MAD1L1: variants seen among roughly 807,000 people sequenced by gnomAD.
MAD1L1 encodes mitotic spindle assembly checkpoint protein MAD1.
In MAD1L1, 95 loss-of-function variants were observed where a neutral mutation model predicts 96.9. The observed-to-expected ratio is 0.98, with a 90% CI of 0.83 to 1.16. The LOEUF is 1.16. MAD1L1 is among the 50% of genes most tolerant of loss of function. The pLI is 0.00. For synonymous variants in MAD1L1, 473 were observed against 396.6 expected (o/e 1.19, Z -2.29); for missense variants, 1,007 against 954.4 (o/e 1.06, Z -0.73).
At chr7:2,065,106 C>T (rs1562652788) in intron 12 of MAD1L1, among the ~76,000 whole-genome samples, 1 of 152,254 alleles carries the variant, frequency 6.6e-6, no homozygotes, top group Non-Finnish European at 1.5e-5. Context: ...GGACTCTCTT[C>T]TGGATGTGAG....
At chr7:1,884,858 C>T (rs558625875) in intron 18 of MAD1L1, among the ~76,000 whole-genome samples, 445 of 152,304 alleles carry the variant, frequency 2.9e-3, no homozygotes, top group African/African-American at 1.0e-2. Context: ...CGGGGCAGGC[C>T]GTGGGGCAAG....
intron 18 of MAD1L1, chr7:1,847,540 A>G (rs1417993305): frequency 4.2e-6 from 2 of 471,008 alleles, no homozygotes; most frequent in African/African-American, 4.0e-5. Flanking sequence ...AGACCAGACC[A>G]GTCCTGGCAC....
chr7:2,073,863 C>T (rs1021127818), intron 11 of MAD1L1, among the ~76,000 whole-genome samples: 3 of 152,294 alleles, frequency 2.0e-5, no homozygotes, highest in South Asian at 2.1e-4. Context: ...GGCTGAGGGA[C>T]GGCGTGGGCA....
At chr7:2,228,254 G>A (rs998317221) in intron 3 of MAD1L1, among the ~76,000 whole-genome samples, 7 of 151,950 alleles carry the variant, frequency 4.6e-5, no homozygotes, top group Non-Finnish European at 8.8e-5. Context: ...CCAGACATTC[G>A]CAACACTAAA....
intron 10 of MAD1L1, among the ~76,000 whole-genome samples, chr7:2,192,852 T>G (rs1205659279): frequency 6.6e-6 from 1 of 152,204 alleles, no homozygotes; most frequent in Non-Finnish European, 1.5e-5. Flanking sequence ...ATAATCAGAC[T>G]TCAAAAAACT....
intron 15 of MAD1L1, among the ~76,000 whole-genome samples, chr7:1,967,784 A>T (rs890245390): frequency 2.0e-5 from 3 of 152,236 alleles, no homozygotes; most frequent in African/African-American, 7.2e-5. Context: ...TCACGCAGCG[A>T]AACAAGTCCC....
chr7:2,119,854 C>A lies in MAD1L1; in HGVS notation c.1073+29298G>T, dbSNP rs941593816. The stretch of plus-strand genomic sequence containing the variant: ...TTTCCTGCTGGCTCCTCGCTGGGGT[C>A]CAGGACTCTGATCTGGGATCTCCCC... On this transcript the variant is annotated intron_variant, in intron 11 of 18. Transcript: ENST00000265854. This position sits in a 1 kb window ranked among gnomAD's most constrained non-coding sequence, Gnocchi z 4.6. 1.3e-5 allele frequency among the ~76,000 whole-genome samples: 2 copies of A among 152,178 alleles called. No individual in the cohort carries two copies. The highest frequency in any genetic ancestry group is 2.1e-4 in the South Asian group (1 of 4,830).
At chr7:1,995,285 G>A (rs962217714) in intron 14 of MAD1L1, among the ~76,000 whole-genome samples, 1 of 152,104 alleles carries the variant, frequency 6.6e-6, no homozygotes, top group Non-Finnish European at 1.5e-5. Context: ...TGAACGGGCA[G>A]CGAGCCTGGA....
At chr7:2,208,546 G>T (rs1013220219) in intron 10 of MAD1L1, among the ~76,000 whole-genome samples, 1 of 152,174 alleles carries the variant, frequency 6.6e-6, no homozygotes, top group Admixed American at 6.5e-5. Flanking sequence ...TCATTTAGCT[G>T]GTTGAGGAAG....
chr7:1,917,747 G>A (rs937570774), intron 17 of MAD1L1, among the ~76,000 whole-genome samples: 12 of 152,186 alleles, frequency 7.9e-5, no homozygotes, highest in Non-Finnish European at 2.9e-5. Flanking sequence ...CACGCTGCCC[G>A]GGCGTGTGGC....
chr7:1,982,880 T>C (rs1040103061), intron 14 of MAD1L1, among the ~76,000 whole-genome samples: 5 of 152,194 alleles, frequency 3.3e-5, no homozygotes, highest in African/African-American at 1.2e-4. Context: ...TACCCATATA[T>C]TCCTATTTTA....
At chr7:1,916,264 C>T (rs1788388204) in intron 17 of MAD1L1, among the ~76,000 whole-genome samples, 1 of 152,134 alleles carries the variant, frequency 6.6e-6, no homozygotes, top group South Asian at 2.1e-4. Flanking sequence ...CCCCTCCCGT[C>T]TGGAGGAACG....
chr7:2,218,718 G>A (rs921485740), intron 6 of MAD1L1, among the ~76,000 whole-genome samples: 3 of 152,046 alleles, frequency 2.0e-5, no homozygotes, highest in African/African-American at 7.2e-5. Context: ...ACCAGCCTGG[G>A]TTACAAAGCG....
chr7:2,227,260 C>T (rs939316456), intron 3 of MAD1L1, among the ~76,000 whole-genome samples: 1 of 152,170 alleles, frequency 6.6e-6, no homozygotes, highest in African/African-American at 2.4e-5. Context: ...TGTACCACTG[C>T]ACTCCAGCCT....
chr7:1,874,559 T>A (rs923454967), intron 18 of MAD1L1: 27 of 451,076 alleles, frequency 6.0e-5, no homozygotes, highest in African/African-American at 2.6e-4. Context: ...AAAAAAAAAA[T>A]AAAAGCGCTG....
At chr7:2,063,998 G>A (rs1037589112) in intron 12 of MAD1L1, among the ~76,000 whole-genome samples, 1 of 152,150 alleles carries the variant, frequency 6.6e-6, no homozygotes, top group African/African-American at 2.4e-5. Flanking sequence ...GGACCAGAAG[G>A]GGGCCTGGAG....
At chr7:1,921,074 T>C (rs1788762630) in intron 17 of MAD1L1, among the ~76,000 whole-genome samples, 1 of 152,096 alleles carries the variant, frequency 6.6e-6, no homozygotes, top group Non-Finnish European at 1.5e-5. Flanking sequence ...TCAGGACCCC[T>C]GCCCAGCAGA....
At chr7:2,037,638 G>A (rs938644423) in intron 12 of MAD1L1, among the ~76,000 whole-genome samples, 5 of 152,240 alleles carry the variant, frequency 3.3e-5, no homozygotes, top group African/African-American at 1.2e-4. Flanking sequence ...TGTCTGTTGT[G>A]GTCTGTGATC....
In MAD1L1 at chr7:1,912,282, G is replaced by A. The variant is rs138949298; in HGVS notation, c.1808-13892C>T. 1.4e-4 allele frequency among the ~76,000 whole-genome samples: 21 copies of A among 152,344 alleles called. No homozygotes were observed. In the East Asian group the frequency reaches 1.9e-3, roughly 14 times the overall value. On this transcript the variant is annotated intron_variant, in intron 17 of 18. Coordinates refer to ENST00000265854, the MANE Select transcript of MAD1L1 (RefSeq NM_001013836.2). Reference sequence around the variant, plus strand: ...GCCATCTGAGAGACAGACAGCAAATGGGGGCATGTGTGGCTCAAAAGGAAA... The same window carrying A: ...GCCATCTGAGAGACAGACAGCAAATAGGGGCATGTGTGGCTCAAAAGGAAA...
Sources: allele counts gnomAD v4.1 joint callset (sites outside exome capture counted in the v4.1 genomes callset), GRCh38; gene constraint gnomAD v4.1.1; non-coding constraint Gnocchi (gnomAD v3.1); transcripts MANE v1.5; gene names NCBI Gene and HGNC (gene_info 2026-07-23, HGNC 2026-07-21).